Variants in MYO18B observed in about 807,000 individuals in gnomAD.
The protein encoded by MYO18B is unconventional myosin-XVIIIb.
A neutral mutation model predicts 273.0 loss-of-function variants in MYO18B; 204 were observed. That is an observed-to-expected ratio of 0.75 (90% confidence interval 0.67 to 0.84). MYO18B has a LOEUF of 0.84. Among genes scored for constraint, MYO18B ranks in the 40% least tolerant of loss-of-function variants. The pLI is 0.00. For synonymous variants in MYO18B, 1,330 were observed against 1,305.7 expected (o/e 1.02, Z -0.40); for missense variants, 3,212 against 3,287.6 (o/e 0.98, Z 0.56).
At chr22:25,810,342 C>T (rs1199031858) in intron 12 of MYO18B, among the ~76,000 whole-genome samples, 1 of 151,214 alleles carries the variant, frequency 6.6e-6, no homozygotes, top group Non-Finnish European at 1.5e-5. Flanking sequence ...TCGTGATCCG[C>T]CTGCCTCAGC....
intron 40 of MYO18B, among the ~76,000 whole-genome samples, chr22:25,997,331 C>A (rs9608446): frequency 0.23 from 17,379 of 76,996 alleles, 1,367 homozygotes; most frequent in African/African-American, 0.29. Flanking sequence ...AAAAAAAAAA[C>A]GAAGGAAAAA....
intron 23 of MYO18B, among the ~76,000 whole-genome samples, chr22:25,874,821 T>C (rs572351622): frequency 6.6e-6 from 1 of 152,266 alleles, no homozygotes; most frequent in African/African-American, 2.4e-5. Context: ...GAGACTGAAT[T>C]TCCTCTCTGT....
chr22:26,030,424 G>C lies in MYO18B; in HGVS notation c.*13-19G>C, dbSNP rs912302396. ...ATCCTTTGTCCCATTCATCAACTCT[G>C]ACCTATGTTTGCTTCCAGCCTCCTT... is the stretch of plus-strand genomic sequence containing the variant. On this transcript the variant is annotated intron_variant, in intron 43 of 43. Transcript: ENST00000335473. The C allele has an allele frequency of 3.3e-5, 5 of 153,708 alleles. No homozygotes were observed. Among genetic ancestry groups the C allele is most frequent in the African/African-American group, 1.2e-4 (5 of 41,470 alleles). The allele number at this position is 153,708 out of a possible 1,614,324, so 9.5% of individuals were successfully genotyped here. A position where few individuals can be genotyped will look rare whatever the true frequency, so the allele number is the denominator to read the frequency against.
intron 1 of MYO18B, among the ~76,000 whole-genome samples, chr22:25,756,105 G>A (rs979817017): frequency 1.7e-4 from 26 of 152,028 alleles, no homozygotes; most frequent in African/African-American, 5.3e-4. Context: ...CACCGTGTTA[G>A]CCAGGATGGT....
chr22:26,044,949 A>AATCATGG, the MYO18B span, among the ~76,000 whole-genome samples: 2 of 152,146 alleles, frequency 1.3e-5, no homozygotes, highest in African/African-American at 2.4e-5. Context: ...GGCAAATTGT[A>AATCATGG]ATCATGGCCC....
At chr22:25,951,304 C>G (rs748102880) in intron 37 of MYO18B, among the ~76,000 whole-genome samples, 2 of 152,224 alleles carry the variant, frequency 1.3e-5, no homozygotes, top group Non-Finnish European at 2.9e-5. Context: ...ACTTTGGCTC[C>G]TGGAAACTGT....
At chr22:26,041,352 CAAAAAAA>C in the MYO18B span, among the ~76,000 whole-genome samples, 4 of 62,184 alleles carry the variant, frequency 6.4e-5, no homozygotes, top group Non-Finnish European at 1.3e-4. Flanking sequence ...CTGTCTCTAC[CAAAAAAA>C]AAAAAAAAAA....
downstream of MYO18B, among the ~76,000 whole-genome samples, chr22:26,034,794 G>A (rs1241433931): frequency 6.6e-6 from 1 of 152,212 alleles, no homozygotes; most frequent in Non-Finnish European, 1.5e-5. Context: ...AATTTTACAG[G>A]TGGGGAAAAT....
chr22:26,060,713 CACAT>C, the MYO18B span, among the ~76,000 whole-genome samples: 7 of 152,202 alleles, frequency 4.6e-5, no homozygotes, highest in South Asian at 2.1e-4. Context: ...CACACATGCA[CACAT>C]ACATATACAC....
chr22:25,927,495 C>T (rs989170680), intron 34 of MYO18B, among the ~76,000 whole-genome samples: 3 of 152,106 alleles, frequency 2.0e-5, no homozygotes, highest in Non-Finnish European at 4.4e-5. Flanking sequence ...GATCTCAAAA[C>T]CCTGTCTCCT....
intron 3 of MYO18B, among the ~76,000 whole-genome samples, chr22:25,764,500 A>G (rs968276662): frequency 2.0e-5 from 3 of 152,206 alleles, no homozygotes; most frequent in Non-Finnish European, 2.9e-5. Flanking sequence ...CCAGTGACCC[A>G]TCCTGACTCT....
intron 42 of MYO18B, among the ~76,000 whole-genome samples, chr22:26,013,109 T>TGTG (rs34421085): frequency 4.6e-5 from 7 of 151,712 alleles, no homozygotes; most frequent in African/African-American, 7.3e-5. Context: ...CTTTCGATAT[T>TGTG]TTTTCAAGAT....
At chr22:25,808,015 T>C (rs1279572111) in intron 12 of MYO18B, among the ~76,000 whole-genome samples, 1 of 152,118 alleles carries the variant, frequency 6.6e-6, no homozygotes, top group Non-Finnish European at 1.5e-5. Context: ...AAAGTTTCCA[T>C]AGCCAATGCA....
rs1411096278 is a variant in MYO18B at position 25,843,909 on chromosome 22, G to T, written c.3368+15G>T. The T allele has an allele frequency of 1.3e-6, 2 of 1,593,076 alleles. No individual in the cohort carries two copies. The highest frequency in any genetic ancestry group is 1.7e-6 in the Non-Finnish European group (2 of 1,163,120). On this transcript the variant is annotated intron_variant, in intron 18 of 43. Transcript: ENST00000335473. Reference sequence around the variant, plus strand: ...CAGTCAAAAAGGTGAGTTGGGTCAGGGTTGGGGACGGGGATGGAGCATTGG... The same window carrying T: ...CAGTCAAAAAGGTGAGTTGGGTCAGTGTTGGGGACGGGGATGGAGCATTGG...
chr22:25,800,258 A>G (rs116620174), intron 12 of MYO18B, among the ~76,000 whole-genome samples: 3,094 of 152,250 alleles, frequency 0.02, 81 homozygotes, highest in East Asian at 0.11. Flanking sequence ...GGGGTTGGGT[A>G]TACTAAAATC....
chr22:25,928,402 C>CA (rs71311529), intron 34 of MYO18B, among the ~76,000 whole-genome samples: 9,403 of 47,212 alleles, frequency 0.2, 730 homozygotes, highest in African/African-American at 0.3. Context: ...GACCCGGCCT[C>CA]AAAAAAAAAA....
intron 11 of MYO18B, among the ~76,000 whole-genome samples, chr22:25,786,994 A>T (rs1478406030): frequency 6.6e-6 from 1 of 152,204 alleles, no homozygotes; most frequent in Admixed American, 6.5e-5. Context: ...TGGGCAGATC[A>T]CCTGAGGTGA....
At chr22:25,974,959 G>C (rs2093072778) in intron 39 of MYO18B, among the ~76,000 whole-genome samples, 1 of 152,192 alleles carries the variant, frequency 6.6e-6, no homozygotes, top group Admixed American at 6.5e-5. Flanking sequence ...GAGTGTCAAA[G>C]AGCCATGTCC....
At chr22:26,045,076 T>G in the MYO18B span, among the ~76,000 whole-genome samples, 3 of 143,004 alleles carry the variant, frequency 2.1e-5, no homozygotes, top group African/African-American at 9.0e-5. Flanking sequence ...GGTTTTTGGT[T>G]TTTTTTTTGC....
Sources: allele counts gnomAD v4.1 joint callset (sites outside exome capture counted in the v4.1 genomes callset), GRCh38; gene constraint gnomAD v4.1.1; transcripts MANE v1.5; gene names NCBI Gene and HGNC (gene_info 2026-07-23, HGNC 2026-07-21).